TIMP3: variants seen among roughly 807,000 people sequenced by gnomAD.
TIMP3 encodes TIMP metallopeptidase inhibitor 3.
A neutral mutation model predicts 30.0 loss-of-function variants in TIMP3; 11 were observed. The observed-to-expected ratio is 0.37, with a 90% CI of 0.23 to 0.61. The LOEUF is 0.61. Ranked by LOEUF, TIMP3 falls within the 20% of genes least tolerant of loss-of-function variation. The probability of loss-of-function intolerance (pLI) is 0.70; values close to 1 mark genes in which losing one functional copy is unlikely to be tolerated. For synonymous variants in TIMP3, 112 were observed against 111.3 expected (o/e 1.01, Z -0.04); for missense variants, 181 against 276.8 (o/e 0.65, Z 2.45).
chr22:32,841,199 C>T (rs899165666), intron 1 of TIMP3, among the ~76,000 whole-genome samples: 2 of 152,174 alleles, frequency 1.3e-5, no homozygotes, highest in Non-Finnish European at 2.9e-5. Context: ...GCTTTGGCTA[C>T]AGCAATAGGT....
In TIMP3 at chr22:32,801,888, G is replaced by T. The variant is rs935955088; in HGVS notation, c.-114G>T. ...GGGCAGCGCGCCGGAGGCCAAGGTT[G>T]CCCCGCACGGCCCGGCGGGCGAGCG... On this transcript the variant is annotated 5_prime_UTR_variant, in exon 1 of 5. Coordinates refer to ENST00000266085, the MANE Select transcript of TIMP3 (RefSeq NM_000362.5). This position sits in a 1 kb window ranked among gnomAD's most constrained non-coding sequence, Gnocchi z 4.7. 1 of 1,337,794 alleles carries T rather than the reference G, an allele frequency of 7.5e-7. No individual in the cohort carries two copies. The highest frequency in any genetic ancestry group is 1.6e-5 in the African/African-American group (1 of 64,142). The allele number at this position is 1,337,794 out of a possible 1,614,324, so 82.9% of individuals were successfully genotyped here.
At chr22:32,840,646 C>G (rs1359114053) in intron 1 of TIMP3, among the ~76,000 whole-genome samples, 1 of 152,078 alleles carries the variant, frequency 6.6e-6, no homozygotes, top group African/African-American at 2.4e-5. Context: ...CCGCCCCCTC[C>G]GCCCCCCACC....
intron 2 of TIMP3, 120 bp downstream of exon 2, chr22:32,849,654 A>G: frequency 1.2e-6 from 1 of 864,706 alleles, no homozygotes; most frequent in Non-Finnish European, 1.9e-6. Flanking sequence ...AGCCAGACCC[A>G]GCCCTTCTGC....
chr22:32,859,284 C>G lies in TIMP3; in HGVS notation c.543C>G (p.His181Gln), dbSNP rs1223343414. Reference protein sequence around the residue: ...NFGYPGYQSKHYACIRQKGGY... With the variant: ...NFGYPGYQSKQYACIRQKGGY... Reference sequence around the variant, plus strand: ...GTTACCCTGGCTACCAGTCCAAACACTACGCCTGCATCCGGCAGAAGGGCG... The same window carrying G: ...GTTACCCTGGCTACCAGTCCAAACAGTACGCCTGCATCCGGCAGAAGGGCG... The change falls in exon 5 of 5, where the codon CAC (histidine) becomes CAG (glutamine). Residue 181 changes from histidine (H) to glutamine (Q), a missense_variant. Transcript: ENST00000266085. 3 of 1,614,222 alleles carry G rather than the reference C, an allele frequency of 1.9e-6. No homozygotes were observed. The highest frequency in any genetic ancestry group is 2.7e-5 in the African/African-American group (2 of 75,070).
At chr22:32,832,686 T>C (rs1281601647) in intron 1 of TIMP3, among the ~76,000 whole-genome samples, 1 of 151,942 alleles carries the variant, frequency 6.6e-6, no homozygotes, top group African/African-American at 2.4e-5. Context: ...TTTTATTTTA[T>C]TTTATTTTAT....
intron 1 of TIMP3, among the ~76,000 whole-genome samples, chr22:32,839,850 G>C (rs2047842658): frequency 2.0e-5 from 3 of 152,130 alleles, no homozygotes; most frequent in Admixed American, 2.0e-4. Flanking sequence ...TCCTAAGCCT[G>C]TGTTTCCTTG....
intron 2 of TIMP3, among the ~76,000 whole-genome samples, chr22:32,853,366 C>T (rs776888774): frequency 6.6e-6 from 1 of 152,262 alleles, no homozygotes; most frequent in Non-Finnish European, 1.5e-5. Context: ...CCGTGATGTA[C>T]ACCAGCATCC....
intron 1 of TIMP3, among the ~76,000 whole-genome samples, chr22:32,841,333 C>T (rs1376069346): frequency 1.3e-5 from 2 of 152,042 alleles, no homozygotes; most frequent in African/African-American, 4.8e-5. Context: ...GTGTCAGGGG[C>T]CAAGGGATTG....
At chr22:32,825,268 T>C (rs576871931) in intron 1 of TIMP3, among the ~76,000 whole-genome samples, 2 of 152,268 alleles carry the variant, frequency 1.3e-5, no homozygotes, top group African/African-American at 2.4e-5. Flanking sequence ...TGGCGGAAGA[T>C]CTGCTGACTT....
chr22:32,814,249 G>A (rs1270404853), intron 1 of TIMP3, among the ~76,000 whole-genome samples: 3 of 143,568 alleles, frequency 2.1e-5, no homozygotes, highest in African/African-American at 7.8e-5. Context: ...AAGAAAGAAG[G>A]AAAGAAAGAA....
At chr22:32,811,760 C>T (rs1181234260) in intron 1 of TIMP3, among the ~76,000 whole-genome samples, 4 of 152,090 alleles carry the variant, frequency 2.6e-5, no homozygotes, top group Admixed American at 2.0e-4. Flanking sequence ...GTGGCTTAGC[C>T]ATATAGCCAA....
chr22:32,859,056 T>C (rs2048458876), intron 4 of TIMP3, 124 bp from the exon 5 acceptor site: 2 of 853,620 alleles, frequency 2.3e-6, no homozygotes, highest in Non-Finnish European at 2.0e-6. Flanking sequence ...TTATGATCAC[T>C]GAGGGACTGA....
chr22:32,855,746 G>C (rs2048345673), intron 2 of TIMP3, among the ~76,000 whole-genome samples: 1 of 152,074 alleles, frequency 6.6e-6, no homozygotes, highest in Admixed American at 6.6e-5. Context: ...ACGAACTGTT[G>C]TGACAACCAA....
chr22:32,859,184 A>C lies in TIMP3; in HGVS notation c.443A>C (p.Lys148Thr), dbSNP rs751847973. ...RYHLGCNCKI[K>T]SCYYLPCFVT... ...CTGCCTGTTATCTAATTGCAGATCA[A>C]GTCCTGCTACTACCTGCCTTGCTTT... is the stretch of plus-strand genomic sequence containing the variant. The change falls in exon 5 of 5, where the codon AAG becomes ACG. Residue 148 changes from lysine (K) to threonine (T), a missense_variant. Transcript: ENST00000266085. The C allele has an allele frequency of 1.2e-6, 2 of 1,614,084 alleles. No individual in the cohort carries two copies. Among genetic ancestry groups the C allele is most frequent in the East Asian group, 4.5e-5 (2 of 44,892 alleles).
intron 1 of TIMP3, among the ~76,000 whole-genome samples, chr22:32,820,238 T>A (rs2047198685): frequency 7.2e-6 from 1 of 139,596 alleles, no homozygotes; most frequent in Non-Finnish European, 1.6e-5. Flanking sequence ...TCCTCCTTTC[T>A]CCCCTGTGTG....
intron 1 of TIMP3, among the ~76,000 whole-genome samples, chr22:32,813,252 A>G (rs1487960551): frequency 6.6e-6 from 1 of 152,198 alleles, no homozygotes; most frequent in Non-Finnish European, 1.5e-5. Context: ...AAGACAAGCA[A>G]TAAAACAGTG....
intron 2 of TIMP3, among the ~76,000 whole-genome samples, chr22:32,855,025 G>C (rs1015058670): frequency 1.3e-5 from 2 of 152,182 alleles, no homozygotes; most frequent in African/African-American, 2.4e-5. Flanking sequence ...AGAGATGTCT[G>C]GCTTTGTATT....
intron 1 of TIMP3, among the ~76,000 whole-genome samples, chr22:32,843,426 C>A (rs2047970779): frequency 6.6e-6 from 1 of 152,166 alleles, no homozygotes; most frequent in Non-Finnish European, 1.5e-5. Flanking sequence ...TGTAGAGTGT[C>A]CAAGGTGGGC....
intron 1 of TIMP3, among the ~76,000 whole-genome samples, chr22:32,814,297 G>A (rs1185274893): frequency 1.5e-4 from 1 of 6,854 alleles, no homozygotes; most frequent in Non-Finnish European, 2.9e-4. Context: ...GGGAAGGAAG[G>A]AAGGAGAGAG....
Sources: gnomAD v4.1 joint callset for allele counts (sites outside exome capture counted in the v4.1 genomes callset) on GRCh38, gnomAD v4.1.1 for gene constraint, Gnocchi (gnomAD v3.1) non-coding constraint, MANE v1.5 for transcripts, NCBI Gene and HGNC (gene_info 2026-07-23, HGNC 2026-07-21) for gene names.